GLI2: variants seen among roughly 807,000 people sequenced by gnomAD.
GLI2 encodes GLI family zinc finger 2, also known as transcription activator GLI2.
In GLI2, 22 loss-of-function variants were observed where a neutral mutation model predicts 78.9. The ratio of observed to expected loss-of-function variants is 0.28; its 90% CI spans 0.20 to 0.40. GLI2 has a LOEUF of 0.40. GLI2 is among the 10% of genes least tolerant of loss of function. The pLI, the probability that GLI2 is intolerant of heterozygous loss-of-function variation, is 1.00. For synonymous variants in GLI2, 974 were observed against 963.7 expected, an observed-to-expected ratio of 1.01 and a Z score of -0.20; for missense variants, 2,097 against 2,213.2, an observed-to-expected ratio of 0.95 and a Z score of 1.05.
At chr2:120,813,906 GAGA>G (rs940782890) in intron 2 of GLI2, among the ~76,000 whole-genome samples, 3 of 152,178 alleles carry the variant, frequency 2.0e-5, no homozygotes, top group African/African-American at 7.2e-5. Flanking sequence ...AGGCTCTTAA[GAGA>G]AGGATTCTGG....
At chr2:120,894,530 C>T (rs1677842911) in intron 2 of GLI2, among the ~76,000 whole-genome samples, 1 of 151,932 alleles carries the variant, frequency 6.6e-6, no homozygotes, top group Non-Finnish European at 1.5e-5. Context: ...AGTGTGGGAT[C>T]AGTTCTTACT....
chr2:120,768,488 C>T (rs971747242), intron 1 of GLI2, among the ~76,000 whole-genome samples: 3 of 152,198 alleles, frequency 2.0e-5, no homozygotes, highest in South Asian at 4.1e-4. Flanking sequence ...GCATCTGGCC[C>T]GCTGCTGGGA....
rs1354283936 is a variant in GLI2, at chr2:120,933,739, C to T, written c.254+6273C>T. Among the ~76,000 whole-genome samples the T allele has an allele frequency of 4.6e-5, 7 of 152,230 alleles. No homozygotes were observed. The East Asian group carries it at 1.2e-3, about 25-fold the overall frequency. On this transcript the variant is annotated intron_variant, in intron 3 of 13. Coordinates refer to ENST00000361492, the MANE Select transcript of GLI2 (RefSeq NM_001374353.1). The stretch of plus-strand genomic sequence containing the variant: ...ATGAGTCCGGCCTGCCCTGGGCCAG[C>T]GTTAACTTGTGTCCTGGAGAGGAAT...
intron 2 of GLI2, among the ~76,000 whole-genome samples, chr2:120,895,810 G>A (rs773464575): frequency 1.3e-5 from 2 of 152,222 alleles, no homozygotes; most frequent in African/African-American, 2.4e-5. Context: ...TCTGGTCACT[G>A]GTCTCCCCTC....
At chr2:120,840,394 C>G (rs13430417) in intron 2 of GLI2, among the ~76,000 whole-genome samples, 7,777 of 152,228 alleles carry the variant, frequency 0.051, 223 homozygotes, top group East Asian at 0.093. Flanking sequence ...GTGTGTGTGT[C>G]TGCATGTCTG....
chr2:120,819,785 CT>C (rs1353223955), intron 2 of GLI2, among the ~76,000 whole-genome samples: 1 of 152,130 alleles, frequency 6.6e-6, no homozygotes, highest in Admixed American at 6.5e-5. Context: ...AGCTCACCAG[CT>C]AAGAAGAAGG....
intron 2 of GLI2, among the ~76,000 whole-genome samples, chr2:120,816,813 G>A (rs1685518448): frequency 6.6e-6 from 1 of 152,160 alleles, no homozygotes; most frequent in Non-Finnish European, 1.5e-5. Flanking sequence ...TACAGATCTA[G>A]AGATAGAAAA....
rs765818439 is a variant in GLI2, at chr2:120,988,467, C to A, written c.2502C>A (p.Ser834=). The part of the protein sequence containing the change: ...LGAGRPHNAS[S]ADSYDPISTD... ...CCGGCCGCCCGCACAACGCGAGCTC[C>A]GCTGACTCCTACGACCCCATCTCCA... Residue 834 remains serine (S), a synonymous_variant, in exon 14 of 14, where the codon TCC becomes TCA. Transcript: ENST00000361492. 1 of 1,564,658 alleles carries A rather than the reference C, an allele frequency of 6.4e-7. No homozygotes were observed. Among genetic ancestry groups the A allele is most frequent in the South Asian group, 1.2e-5 (1 of 86,416 alleles).
intron 2 of GLI2, among the ~76,000 whole-genome samples, chr2:120,921,776 G>GA (rs1220107187): frequency 6.6e-6 from 1 of 152,084 alleles, no homozygotes; most frequent in African/African-American, 2.4e-5. Context: ...AGATTGCTCA[G>GA]AAAAAAATCC....
intron 13 of GLI2, 61 bp downstream of exon 13, chr2:120,986,675 G>C: frequency 7.4e-7 from 1 of 1,350,908 alleles, no homozygotes; most frequent in Non-Finnish European, 1.1e-6. Flanking sequence ...GCACCAACTA[G>C]GCTGGCACCC....
chr2:120,988,263 G>T lies in GLI2; in HGVS notation c.2298G>T (p.Leu766=), dbSNP rs751991539. 1.3e-6 allele frequency: 2 copies of T among 1,570,660 alleles called. No homozygotes were observed. The highest frequency in any genetic ancestry group is 3.6e-5 in the Admixed American group (2 of 55,862). The change falls in exon 14 of 14, where the codon CTG becomes CTT. Residue 766 remains leucine, a synonymous_variant. Coordinates refer to ENST00000361492, the MANE Select transcript of GLI2 (RefSeq NM_001374353.1). The part of the protein sequence containing the change: ...GSGGGGPAGL[L]PNPRLSELSA... ...GGGGCGGCGGGCCCGCGGGGCTGCT[G>T]CCGAACCCGCGGCTGTCGGAGCTGT...
intron 1 of GLI2, among the ~76,000 whole-genome samples, chr2:120,748,535 A>T (rs534537857): frequency 1.8e-4 from 28 of 152,198 alleles, no homozygotes; most frequent in Non-Finnish European, 3.4e-4. Context: ...TGGGAGAGTC[A>T]GCGTGGGGTT....
chr2:120,775,981 A>G (rs35411982), intron 1 of GLI2, among the ~76,000 whole-genome samples: 47,215 of 152,196 alleles, frequency 0.31, 8,767 homozygotes, highest in African/African-American at 0.52. Flanking sequence ...CCTGGCTGGC[A>G]CAAATCGCTT....
chr2:120,932,957 C>T, intron 3 of GLI2, among the ~76,000 whole-genome samples: 1 of 152,096 alleles, frequency 6.6e-6, no homozygotes. Flanking sequence ...ATTTGGACTT[C>T]CTCCTTTTGG....
chr2:120,754,516 T>C (rs1321278465), intron 1 of GLI2, among the ~76,000 whole-genome samples: 2 of 151,356 alleles, frequency 1.3e-5, no homozygotes, highest in Admixed American at 6.6e-5. Context: ...AGTGGAACCA[T>C]ACAGGATGTC....
chr2:120,884,630 A>G (rs972238754), intron 2 of GLI2, among the ~76,000 whole-genome samples: 6 of 152,216 alleles, frequency 3.9e-5, no homozygotes, highest in South Asian at 2.1e-4. Flanking sequence ...CCCACGCTGG[A>G]GATATACAGC....
intron 2 of GLI2, among the ~76,000 whole-genome samples, chr2:120,854,142 G>A (rs1380926068): frequency 1.3e-5 from 2 of 152,190 alleles, no homozygotes; most frequent in Admixed American, 6.5e-5. Flanking sequence ...AGTGTAGAGA[G>A]GTAAGAGCAC....
intron 1 of GLI2, among the ~76,000 whole-genome samples, chr2:120,760,213 T>G (rs1235430660): frequency 6.6e-6 from 1 of 152,114 alleles, no homozygotes; most frequent in African/African-American, 2.4e-5. Context: ...TGGGATGTGT[T>G]AGATAGTCTG....
At chr2:120,855,164 C>G (rs1479969315) in intron 2 of GLI2, among the ~76,000 whole-genome samples, 1 of 152,206 alleles carries the variant, frequency 6.6e-6, no homozygotes, top group Non-Finnish European at 1.5e-5. Context: ...AAACAATTTG[C>G]CGATGATCAG....
Sources: gnomAD v4.1 joint callset for allele counts (sites outside exome capture counted in the v4.1 genomes callset) on GRCh38, gnomAD v4.1.1 for gene constraint, MANE v1.5 for transcripts, NCBI Gene and HGNC (gene_info 2026-07-23, HGNC 2026-07-21) for gene names.